The following RGS22 variants were observed in gnomAD, a reference collection of about 807,000 sequenced individuals.
The protein encoded by RGS22 is regulator of G-protein signaling 22.
RGS22 carries 148 observed loss-of-function variants against 172.9 expected under a neutral mutation model. That is an observed-to-expected ratio of 0.86 (90% confidence interval 0.75 to 0.98). The LOEUF is 0.98. RGS22 is among the 50% of genes least tolerant of loss of function. The pLI, the probability that RGS22 is intolerant of heterozygous loss-of-function variation, is 0.00. For synonymous variants in RGS22, 458 were observed against 480.2 expected (o/e 0.95, Z 0.60); for missense variants, 1,347 against 1,440.8 (o/e 0.93, Z 1.05).
intron 11 of RGS22, among the ~76,000 whole-genome samples, chr8:100,047,085 G>A (rs541045678): frequency 2.6e-5 from 4 of 152,032 alleles, no homozygotes; most frequent in South Asian, 4.1e-4. Context: ...AAAATGCTGC[G>A]ATTACAGCTC....
At chr8:100,079,488 T>C (rs1021870163) in intron 4 of RGS22, among the ~76,000 whole-genome samples, 2 of 152,246 alleles carry the variant, frequency 1.3e-5, no homozygotes, top group African/African-American at 2.4e-5. Flanking sequence ...CTGGTTATAC[T>C]AGACATTTTG....
intron 23 of RGS22, among the ~76,000 whole-genome samples, chr8:99,974,097 G>T (rs1209515852): frequency 6.6e-6 from 1 of 152,130 alleles, no homozygotes; most frequent in African/African-American, 2.4e-5. Context: ...CATTTTAATA[G>T]AATAATTTGT....
chr8:100,062,276 C>T (rs1251779155), intron 9 of RGS22, among the ~76,000 whole-genome samples: 1 of 151,844 alleles, frequency 6.6e-6, no homozygotes, highest in Non-Finnish European at 1.5e-5. Context: ...TGTAACAAAC[C>T]TGCACATGTA....
At chr8:100,087,059 A>G (rs1465634900) in intron 3 of RGS22, among the ~76,000 whole-genome samples, 1 of 152,110 alleles carries the variant, frequency 6.6e-6, no homozygotes, top group East Asian at 1.9e-4. Flanking sequence ...TGTTTGCTTA[A>G]AAAGAAGCTC....
At chr8:100,080,576 A>G in intron 3 of RGS22, 1 of 488,908 alleles carries the variant, frequency 2.0e-6, no homozygotes, top group South Asian at 2.7e-5. Context: ...AGTAAGTGTC[A>G]GGGTATGCTA....
chr8:100,081,776 T>C (rs1269733573), intron 3 of RGS22, among the ~76,000 whole-genome samples: 2 of 152,142 alleles, frequency 1.3e-5, no homozygotes, highest in East Asian at 1.9e-4. Flanking sequence ...TTAAACTTGG[T>C]AGAGAATGAC....
At chr8:100,046,556 T>G (rs1271271448) in intron 11 of RGS22, 1 of 149,994 alleles carries the variant, frequency 6.7e-6, no homozygotes, top group Non-Finnish European at 1.5e-5. Context: ...CCACAAAAGC[T>G]CATTAACTGC....
At chr8:100,067,423 G>A (rs961919696) in intron 6 of RGS22, among the ~76,000 whole-genome samples, 2 of 151,644 alleles carry the variant, frequency 1.3e-5, no homozygotes, top group South Asian at 2.1e-4. Flanking sequence ...TATAATTATC[G>A]AGTGACTACT....
At chr8:100,076,167 G>A (rs1811331720) in intron 4 of RGS22, among the ~76,000 whole-genome samples, 1 of 152,022 alleles carries the variant, frequency 6.6e-6, no homozygotes, top group African/African-American at 2.4e-5. Context: ...CTCTCATTCT[G>A]TGGGTTGTCT....
At position 100,073,442 on chromosome 8, in the gene RGS22, C is replaced by CA. The variant is rs1021313792; in HGVS notation, c.340-1213dup. ...CAAAAAACAAAACAAAAAAAAAAAA[C>CA]AAAAAAAACATGTATTTGCCTTCAC... On this transcript the variant is annotated intron_variant, in intron 4 of 27. Transcript: ENST00000360863. Among the ~76,000 whole-genome samples, 27 of 140,984 alleles carry CA rather than the reference C, an allele frequency of 1.9e-4. 1 individual carries two copies. Among genetic ancestry groups the CA allele is most frequent in the Non-Finnish European group, 1.2e-4 (8 of 65,406 alleles). 92.5% of individuals were successfully genotyped at this position (140,984 alleles called of 152,430 possible).
At chr8:100,105,308 A>G (rs1813838207) in intron 2 of RGS22, 66 bp downstream of exon 2, 1 of 1,258,332 alleles carries the variant, frequency 7.9e-7, no homozygotes, top group South Asian at 1.2e-5. Flanking sequence ...GCTTTCTTCT[A>G]TGATCTAATA....
At chr8:100,011,516 T>C (rs1422966996) in intron 14 of RGS22, among the ~76,000 whole-genome samples, 2 of 152,116 alleles carry the variant, frequency 1.3e-5, no homozygotes, top group African/African-American at 2.4e-5. Context: ...ATCTCACACA[T>C]AATAAAAGTC....
intron 10 of RGS22, among the ~76,000 whole-genome samples, chr8:100,050,332 A>T (rs1337467078): frequency 6.6e-6 from 1 of 152,176 alleles, no homozygotes; most frequent in African/African-American, 2.4e-5. Context: ...GATTTTACAG[A>T]GTGACCCTGA....
intron 12 of RGS22, among the ~76,000 whole-genome samples, chr8:100,040,757 T>G (rs1820010054): frequency 6.6e-6 from 1 of 152,202 alleles, no homozygotes; most frequent in Admixed American, 6.5e-5. Context: ...AACTCTTTGC[T>G]ATATGTTTTA....
chr8:100,051,973 A>ATATT (rs1821611467), intron 10 of RGS22, among the ~76,000 whole-genome samples: 1 of 68,416 alleles, frequency 1.5e-5, no homozygotes, highest in African/African-American at 6.4e-5. Flanking sequence ...ATATATTTAT[A>ATATT]TATAAATGTT....
chr8:100,052,079 TTATA>T (rs1260144184), intron 10 of RGS22, among the ~76,000 whole-genome samples: 2 of 95,962 alleles, frequency 2.1e-5, no homozygotes, highest in Non-Finnish European at 3.8e-5. Context: ...ATATAAATGT[TTATA>T]TATATTTATA....
intron 20 of RGS22, among the ~76,000 whole-genome samples, chr8:99,992,883 A>C (rs1813914015): frequency 6.6e-6 from 1 of 152,234 alleles, no homozygotes; most frequent in Non-Finnish European, 1.5e-5. Context: ...ACTCCTCAGC[A>C]AATGTGAAAG....
intron 14 of RGS22, among the ~76,000 whole-genome samples, chr8:100,026,389 T>G (rs752869102): frequency 6.6e-6 from 1 of 152,140 alleles, no homozygotes; most frequent in Non-Finnish European, 1.5e-5. Context: ...AAAACACCAG[T>G]GCACAACATG....
At chr8:99,995,632 G>A (rs1814280342) in intron 20 of RGS22, among the ~76,000 whole-genome samples, 1 of 152,188 alleles carries the variant, frequency 6.6e-6, no homozygotes, top group South Asian at 2.1e-4. Flanking sequence ...AGAGGATGTG[G>A]AGAAAAAGGA....
Sources: gnomAD v4.1 joint callset for allele counts (sites outside exome capture counted in the v4.1 genomes callset) on GRCh38, gnomAD v4.1.1 for gene constraint, MANE v1.5 for transcripts, NCBI Gene and HGNC (gene_info 2026-07-23, HGNC 2026-07-21) for gene names.